MVD: variants seen among roughly 807,000 people sequenced by gnomAD.
MVD encodes the protein diphosphomevalonate decarboxylase.
MVD carries 52 observed loss-of-function variants against 42.4 expected under a neutral mutation model. That is an observed-to-expected ratio of 1.23 (90% confidence interval 0.98 to 1.55). The LOEUF (loss-of-function observed/expected upper bound fraction) is 1.55, where lower values mean the gene tolerates loss of function less well. MVD is among the 40% of genes most tolerant of loss of function. The pLI, the probability that MVD is intolerant of heterozygous loss-of-function variation, is 0.00. For missense variants in MVD, 663 were observed against 572.1 expected (o/e 1.16, Z -1.62); for synonymous variants, 287 against 243.2 (o/e 1.18, Z -1.68).
rs2279258 is a variant in MVD at position 88,657,939 on chromosome 16, G to A, written c.232C>T (p.Arg78Trp). ...NGREEDVGQP[R>W]LQACLREIRC... ...CTCTCCCGCAGGCAGGCCTGCAGCC[G>A]CGGCTGCCCCACATCCTCCTCCCGG... Residue 78 changes from arginine (R) to tryptophan (W), a missense_variant, in exon 3 of 10, where the codon CGG becomes TGG. Coordinates refer to ENST00000301012, the MANE Select transcript of MVD (RefSeq NM_002461.3). The A allele has an allele frequency of 9.3e-6, 15 of 1,613,454 alleles. No homozygotes were observed. In the African/African-American group the frequency reaches 1.3e-4, roughly 14 times the overall value.
Position 88,655,181 on chromosome 16 carries a change from C to A in MVD, c.897+18G>T, listed in dbSNP as rs1432100125. ...GCTACAGCGCGAGCGCAGCCTCTGC[C>A]CTCCCGGCCCGCGTCACCTTGGTGT... On this transcript the variant is annotated intron_variant, in intron 7 of 9. Coordinates refer to ENST00000301012, the MANE Select transcript of MVD (RefSeq NM_002461.3). The A allele has an allele frequency of 6.4e-7, 1 of 1,551,356 alleles. No homozygotes were observed. Among genetic ancestry groups the A allele is most frequent in the Admixed American group, 2.0e-5 (1 of 51,116 alleles).
chr16:88,653,114 G>A (rs76532023), intron 9 of MVD, among the ~76,000 whole-genome samples, 186 bp downstream of exon 9: 34,863 of 152,202 alleles, frequency 0.23, 4,723 homozygotes, highest in East Asian at 0.45. Flanking sequence ...CTGCTGCTCT[G>A]AGCATCACCA....
chr16:88,655,959 C>A, intron 5 of MVD, 146 bp downstream of exon 5: 2 of 1,245,376 alleles, frequency 1.6e-6, no homozygotes, highest in South Asian at 3.0e-5. Context: ...CCTGAGCACT[C>A]AACCACGCTT....
At chr16:88,655,942 A>C in intron 5 of MVD, 163 bp downstream of exon 5, 1 of 1,151,446 alleles carries the variant, frequency 8.7e-7, no homozygotes, top group South Asian at 1.5e-5. Context: ...GCCGCATGGG[A>C]GCGGTTCCTG....
rs1334116780 is a variant in MVD, at chr16:88,658,701, C to T, written c.90G>A (p.Glu30=). Residue 30 remains glutamate, a synonymous_variant, in exon 2 of 10, where the codon GAG becomes GAA. Transcript: ENST00000301012. ...GGGAGGAGTTGATGGGCAGAACCAG[C>T]TCTTCATCGCGCTTGCCCCCTGTAA... is the stretch of plus-strand genomic sequence containing the variant. ...VIKYWGKRDE[E]LVLPINSSLS... The T allele has an allele frequency of 3.1e-6, 5 of 1,613,026 alleles. No homozygotes were observed. Among genetic ancestry groups the T allele is most frequent in the Non-Finnish European group, 4.2e-6 (5 of 1,179,638 alleles).
rs1907621760 is a variant in MVD, at chr16:88,652,392, GC to G, written c.*132del. On this transcript the variant is annotated 3_prime_UTR_variant, in exon 10 of 10. Coordinates refer to ENST00000301012, the MANE Select transcript of MVD (RefSeq NM_002461.3). ...GCAGGACTCCCTGCACTGCCCCACA[GC>G]AAGCTGCCCATGGGCCCGGGGTCAA... 5.9e-5 allele frequency: 59 copies of G among 1,002,582 alleles called. 1 individual carries two copies. The South Asian group carries it at 8.0e-4, about 14-fold the overall frequency. The allele number at this position is 1,002,582 out of a possible 1,614,324, so 62.1% of individuals were successfully genotyped here.
chr16:88,657,549 C>G lies in MVD; in HGVS notation c.290G>C (p.Arg97Pro), dbSNP rs376949804. Residue 97 changes from arginine to proline, a missense_variant, in exon 4 of 10, where the codon CGG becomes CCG. Arg to Pro is a moderately radical substitution (Grantham distance 103). Coordinates refer to ENST00000301012, the MANE Select transcript of MVD (RefSeq NM_002461.3). ...GCTGGAGGGCAGCGGGTCCCCATCC[C>G]GTGAGTTCCTCCGCTTCCGGGCCAG... is the stretch of plus-strand genomic sequence containing the variant. ...RCLARKRRNS[R>P]DGDPLPSSLS... 6.2e-7 allele frequency: 1 copy of G among 1,612,770 alleles called. No individual in the cohort carries two copies. Among genetic ancestry groups the G allele is most frequent in the African/African-American group, 1.3e-5 (1 of 75,058 alleles).
At chr16:88,655,458 C>G in intron 6 of MVD, 41 bp from the exon 7 acceptor site, 1 of 1,538,870 alleles carries the variant, frequency 6.5e-7, no homozygotes, top group Non-Finnish European at 8.7e-7. Flanking sequence ...CGCTGGGGGT[C>G]TCGACAGCAG....
intron 2 of MVD, among the ~76,000 whole-genome samples, chr16:88,658,306 G>A (rs976997400): frequency 2.6e-5 from 4 of 152,186 alleles, no homozygotes; most frequent in Non-Finnish European, 5.9e-5. Context: ...CATGTGTGAC[G>A]AGACCTGGGG....
chr16:88,658,760 G>GCCCCCCCCCC, intron 1 of MVD, 40 bp from the exon 2 acceptor site: 1 of 1,440,610 alleles, frequency 6.9e-7, no homozygotes, highest in Non-Finnish European at 9.3e-7. Flanking sequence ...GGGCTTCCCG[G>GCCCCCCCCCC]CCCACCCTCC....
At chr16:88,653,170 G>A (rs1263485414) in intron 9 of MVD, 130 bp downstream of exon 9, 6 of 710,016 alleles carry the variant, frequency 8.5e-6, no homozygotes, top group South Asian at 1.7e-5. Flanking sequence ...GGACAAAGGC[G>A]TTCTGGCTTC....
intron 3 of MVD, 145 bp downstream of exon 3, chr16:88,657,770 C>G (rs1908026459): frequency 8.1e-7 from 1 of 1,235,880 alleles, no homozygotes. Flanking sequence ...GGCCACTGCC[C>G]TGGAGCTGGC....
chr16:88,657,248 C>G (rs1411659450), intron 4 of MVD, 188 bp downstream of exon 4: 2 of 866,202 alleles, frequency 2.3e-6, no homozygotes, highest in South Asian at 1.4e-5. Flanking sequence ...CCAGCTGCAA[C>G]TGGAAGATGA....
chr16:88,655,446 G>A (rs934373999), intron 6 of MVD, 29 bp from the exon 7 acceptor site: 48 of 1,546,046 alleles, frequency 3.1e-5, no homozygotes, highest in Non-Finnish European at 4.0e-5. Context: ...TTCCCATGGA[G>A]CCGCTGGGGG....
intron 2 of MVD, 61 bp from the exon 3 acceptor site, chr16:88,658,090 A>G: frequency 6.6e-7 from 1 of 1,510,086 alleles, no homozygotes; most frequent in Non-Finnish European, 9.2e-7. Flanking sequence ...CCAGCCAGGT[A>G]CCCCTTTCTA....
At chr16:88,653,157 A>G in intron 9 of MVD, 143 bp downstream of exon 9, 1 of 669,134 alleles carries the variant, frequency 1.5e-6, no homozygotes, top group South Asian at 1.8e-5. Flanking sequence ...AGAGCAAATG[A>G]ATGGACAAAG....
chr16:88,658,761 CCCACCCTCCCCCA>C, intron 1 of MVD, 41 bp from the exon 2 acceptor site: 1 of 1,321,534 alleles, frequency 7.6e-7, no homozygotes. Context: ...GGCTTCCCGG[CCCACCCTCCCCCA>C]GTGTTCCCCA....
At chr16:88,657,139 G>T (rs977092976) in intron 4 of MVD, 1 of 601,808 alleles carries the variant, frequency 1.7e-6, no homozygotes, top group South Asian at 1.6e-5. Flanking sequence ...ATGGGGGGGG[G>T]TCTCACTATG....
At chr16:88,662,516 G>A (rs916190286) in intron 1 of MVD, among the ~76,000 whole-genome samples, 5 of 152,182 alleles carry the variant, frequency 3.3e-5, no homozygotes, top group Admixed American at 6.5e-5. Flanking sequence ...GGGCCTGCGG[G>A]CCCCCCATTA....
Sources: gnomAD v4.1 joint callset for allele counts (sites outside exome capture counted in the v4.1 genomes callset) on GRCh38, gnomAD v4.1.1 for gene constraint, MANE v1.5 for transcripts, NCBI Gene and HGNC (gene_info 2026-07-23, HGNC 2026-07-21) for gene names.